The following LENG8 variants were observed in gnomAD, a reference collection of about 807,000 sequenced individuals.
LENG8 encodes the protein leukocyte receptor cluster member 8.
LENG8 carries 28 observed loss-of-function variants against 102.1 expected under a neutral mutation model. The ratio of observed to expected loss-of-function variants is 0.27; its 90% CI spans 0.20 to 0.38. The LOEUF (loss-of-function observed/expected upper bound fraction) is 0.38, where lower values mean the gene tolerates loss of function less well. LENG8 is among the 10% of genes least tolerant of loss of function. The pLI is 1.00. For missense variants in LENG8, 1,022 were observed against 1,113.9 expected (o/e 0.92, Z 1.17); for synonymous variants, 531 against 456.7 (o/e 1.16, Z -2.07).
intron 11 of LENG8, among the ~76,000 whole-genome samples, chr19:54,457,197 C>T (rs1258297604): frequency 2.6e-5 from 4 of 152,264 alleles, no homozygotes; most frequent in Admixed American, 6.5e-5. Flanking sequence ...AAAGCCTTCT[C>T]CCAGGCCCGT....
In LENG8 at chr19:54,458,134, C is replaced by T. The variant is rs781482689; in HGVS notation, c.1934C>T (p.Thr645Met). 9 of 1,613,810 alleles carry T rather than the reference C, an allele frequency of 5.6e-6. No individual in the cohort carries two copies. The highest frequency in any genetic ancestry group is 1.6e-4 in the Middle Eastern group (1 of 6,084). The change falls in exon 14 of 16, where the codon ACG becomes ATG. Residue 645 changes from threonine (T) to methionine (M), a missense_variant. Physicochemically the swap from Thr to Met is moderately conservative, Grantham distance 81 (BLOSUM62 -1). Around this residue, in one of 7 missense-constraint regions of LENG8, gnomAD observed 158 missense variants for 229.0 expected, o/e 0.69. Transcript: ENST00000326764. ...GDHEEFNQCQTQLKSLYAENL... is the reference protein window; with the variant it reads ...GDHEEFNQCQMQLKSLYAENL... ...CATGAAGAGTTTAACCAGTGCCAGA[C>T]GCAGCTCAAGTCGCTGTACGCCGAG...
rs764329239 is a variant in LENG8, at chr19:54,461,230, T to TTC, written c.*314_*315dup. 1.5e-5 allele frequency: 9 copies of TTC among 612,136 alleles called. No homozygotes were observed. Among genetic ancestry groups the TTC allele is most frequent in the Admixed American group, 2.2e-5 (1 of 46,440 alleles). 37.9% of individuals were successfully genotyped at this position (612,136 alleles called of 1,614,324 possible). ...ACTCCACTAATGCTGTCTCAGTGTT[T>TTC]TCTCTCTCTCTCTTTCGAGCTTGCA... On this transcript the variant is annotated 3_prime_UTR_variant, in exon 16 of 16. Transcript: ENST00000326764.
At chr19:54,454,923 CT>C in intron 6 of LENG8, 27 bp from the exon 7 acceptor site, 1 of 1,614,018 alleles carries the variant, frequency 6.2e-7, no homozygotes, top group Non-Finnish European at 8.5e-7. Context: ...GGGGAAGGGC[CT>C]AACCATAGCT....
intron 1 of LENG8, chr19:54,449,540 C>T (rs2083841085): frequency 6.6e-6 from 1 of 152,100 alleles, no homozygotes; most frequent in Non-Finnish European, 1.5e-5. Flanking sequence ...GTTCCTCTCC[C>T]TTGGAGTTCT....
chr19:54,452,227 C>T lies in LENG8; in HGVS notation c.173C>T (p.Ser58Phe). Reference protein sequence around the residue: ...SISKSGAAGGSAKSSSNGPVA... With the variant: ...SISKSGAAGGFAKSSSNGPVA... ...AGCAAGTCAGGAGCTGCCGGCGGCTCTGCCAAGTCCAGCAGCAATGGGCCT... is the reference window on the plus strand; with the variant it reads ...AGCAAGTCAGGAGCTGCCGGCGGCTTTGCCAAGTCCAGCAGCAATGGGCCT... The change falls in exon 3 of 16, where the codon TCT becomes TTT. Residue 58 changes from serine (S) to phenylalanine (F), a missense_variant. By Grantham distance (155) the Ser-to-Phe change is radical. Transcript: ENST00000326764. 5 of 1,613,768 alleles carry T rather than the reference C, an allele frequency of 3.1e-6. No homozygotes were observed. The highest frequency in any genetic ancestry group is 4.2e-6 in the Non-Finnish European group (5 of 1,179,894).
In LENG8 at chr19:54,456,445, C is replaced by G. The variant is rs1569299214; in HGVS notation, c.1425C>G (p.Gly475=). The G allele has an allele frequency of 6.2e-7, 1 of 1,606,806 alleles. No homozygotes were observed. ...GRGAHMDRGR[G]RAQRGKRHDL... The stretch of plus-strand genomic sequence containing the variant: ...GGGCCCATATGGATCGGGGCCGAGG[C>G]AGGGCGCAGCGTGGGAAGAGGTGAG... The change falls in exon 10 of 16, where the codon GGC becomes GGG. Residue 475 remains glycine, a synonymous_variant. Coordinates refer to ENST00000326764, the MANE Select transcript of LENG8 (RefSeq NM_052925.4).
intron 15 of LENG8, 47 bp from the exon 16 acceptor site, chr19:54,460,719 G>GGCCCGCC: frequency 1.3e-6 from 1 of 778,920 alleles, no homozygotes; most frequent in Non-Finnish European, 1.8e-6. Flanking sequence ...GCCCTCCCCT[G>GGCCCGCC]CCCTCCCGCC....
rs2084176815 is a variant in LENG8, at chr19:54,455,453, G to A, written c.911G>A (p.Cys304Tyr). 1 of 1,614,074 alleles carries A rather than the reference G, an allele frequency of 6.2e-7. No homozygotes were observed. Among genetic ancestry groups the A allele is most frequent in the African/African-American group, 1.3e-5 (1 of 74,928 alleles). ...TATGTGGAGCGCTGCTTCACCGCCTGTGAGTCGGAGGAGGACAAGGACCGC... is the reference window on the plus strand; with the variant it reads ...TATGTGGAGCGCTGCTTCACCGCCTATGAGTCGGAGGAGGACAAGGACCGC... ...KEYVERCFTA[C>Y]ESEEDKDRTE... Residue 304 changes from cysteine to tyrosine, a missense_variant, in exon 8 of 16, where the codon TGT (cysteine) becomes TAT (tyrosine). Coordinates refer to ENST00000326764, the MANE Select transcript of LENG8 (RefSeq NM_052925.4).
intron 11 of LENG8, 103 bp downstream of exon 11, chr19:54,457,024 A>G (rs2084286384): frequency 7.8e-7 from 1 of 1,279,588 alleles, no homozygotes; most frequent in Non-Finnish European, 1.0e-6. Context: ...GGGCTCTGGT[A>G]TGGCAGGGGA....
At chr19:54,459,253 C>T (rs571305560) in intron 15 of LENG8, 2 of 1,042,606 alleles carry the variant, frequency 1.9e-6, no homozygotes, top group Non-Finnish European at 2.3e-6. Context: ...TGCTGCCCTG[C>T]CACTGCCATT....
In LENG8 at chr19:54,454,549, C is replaced by A; in HGVS notation, c.546C>A (p.Gly182=). Residue 182 remains glycine (G), a synonymous_variant, in exon 6 of 16, where the codon GGC becomes GGA. Transcript: ENST00000326764. ...PPHGAHTLNS[G]PQPGTAPATQ... is the part of the protein sequence containing the mutation. Reference sequence around the variant, plus strand: ...ATGGGGCTCACACGCTGAACAGTGGCCCTCAGCCTGGGACAGCTCCAGCCA... The same window carrying A: ...ATGGGGCTCACACGCTGAACAGTGGACCTCAGCCTGGGACAGCTCCAGCCA... 1 of 1,613,292 alleles carries A rather than the reference C, an allele frequency of 6.2e-7. No homozygotes were observed. Among genetic ancestry groups the A allele is most frequent in the South Asian group, 1.1e-5 (1 of 91,036 alleles).
Position 54,459,380 on chromosome 19 carries a change from C to G in LENG8, c.2240+859C>G, listed in dbSNP as rs188541345. 1.9e-3 allele frequency: 1,881 copies of G among 993,990 alleles called. 22 individuals carry two copies. In the African/African-American group the frequency reaches 0.03, roughly 16 times the overall value. 61.6% of individuals were successfully genotyped at this position (993,990 alleles called of 1,614,324 possible). A position where few individuals can be genotyped will look rare whatever the true frequency, so the allele number is the denominator to read the frequency against. ...GGCTGTCCACGTGAGGTCATAGTCA[C>G]AGCATGGAGGCCTTGAGAGCCTGGC... On this transcript the variant is annotated intron_variant, in intron 15 of 15. Coordinates refer to ENST00000326764, the MANE Select transcript of LENG8 (RefSeq NM_052925.4).
chr19:54,452,282 T>C lies in LENG8; in HGVS notation c.213+15T>C, dbSNP rs773089177. ...CCAGTGCACAGGTGAGAAGGCCTCA[T>C]GGGGCTGGGGTACCCTGAGCCAGAG... On this transcript the variant is annotated intron_variant, in intron 3 of 15. Transcript: ENST00000326764. 5 of 1,591,556 alleles carry C rather than the reference T, an allele frequency of 3.1e-6. No homozygotes were observed. The South Asian group carries it at 5.6e-5, about 18-fold the overall frequency.
intron 2 of LENG8, 80 bp downstream of exon 2, chr19:54,451,462 C>T (rs1339956022): frequency 4.8e-6 from 7 of 1,445,200 alleles, no homozygotes; most frequent in Non-Finnish European, 5.8e-6. Flanking sequence ...GGGGTGGGAC[C>T]TCCCGTGGCC....
At chr19:54,458,644 T>A in intron 15 of LENG8, 123 bp downstream of exon 15, 3 of 1,556,426 alleles carry the variant, frequency 1.9e-6, no homozygotes, top group Non-Finnish European at 2.6e-6. Flanking sequence ...GGTCCTTGCT[T>A]CCCCATCATC....
rs2084177578 is a variant in LENG8 at position 54,455,466 on chromosome 19, G to C, written c.924G>C (p.Glu308Asp). Residue 308 changes from glutamate (E) to aspartate (D), a missense_variant, in exon 8 of 16, where the codon GAG (glutamate) becomes GAC (aspartate). Physicochemically the swap from Glu to Asp is conservative, Grantham distance 45. Around this residue, in one of 7 missense-constraint regions of LENG8, gnomAD observed 24 missense variants for 47.9 expected, o/e 0.50. Coordinates refer to ENST00000326764, the MANE Select transcript of LENG8 (RefSeq NM_052925.4). ...ERCFTACESE[E>D]DKDRTEKLLK... is the part of the protein sequence containing the mutation. ...GCTTCACCGCCTGTGAGTCGGAGGA[G>C]GACAAGGACCGCACGGAAAAGCTGC... is the stretch of plus-strand genomic sequence containing the variant. The C allele has an allele frequency of 6.2e-7, 1 of 1,614,044 alleles. No homozygotes were observed. The highest frequency in any genetic ancestry group is 1.1e-5 in the South Asian group (1 of 91,092).
chr19:54,457,829 CGA>C lies in LENG8; in HGVS notation c.1815_1816del (p.Ile606ProfsTer30). 1.2e-6 allele frequency: 2 copies of C among 1,614,018 alleles called. No homozygotes were observed. Among genetic ancestry groups the C allele is most frequent in the Non-Finnish European group, 1.7e-6 (2 of 1,179,850 alleles). ...GCGTTTGCCTGCGAGCAGATGAAGT[CGA>C]TCCGGCAGGATCTGACGGTGAGACT... On this transcript the variant is annotated frameshift_variant, in exon 12 of 16. Coordinates refer to ENST00000326764, the MANE Select transcript of LENG8 (RefSeq NM_052925.4). LOFTEE classifies it high-confidence loss of function.
rs754249789 is a variant in LENG8, at chr19:54,456,075, C to A, written c.1134C>A (p.Ala378=). The A allele has an allele frequency of 1.2e-6, 2 of 1,609,258 alleles. No individual in the cohort carries two copies. The highest frequency in any genetic ancestry group is 3.4e-5 in the Admixed American group (2 of 59,478). Residue 378 remains alanine, a synonymous_variant, in exon 9 of 16, where the codon GCC becomes GCA. Transcript: ENST00000326764. ...GAGSATRGGG[A]PSQRGTPGAG... Reference sequence around the variant, plus strand: ...GCTCGGCGACAAGGGGCGGGGGTGCCCCGTCCCAGCGAGGGACGCCCGGGG... The same window carrying A: ...GCTCGGCGACAAGGGGCGGGGGTGCACCGTCCCAGCGAGGGACGCCCGGGG...
At position 54,457,916 on chromosome 19, in the gene LENG8, C is replaced by T. The variant is rs367795893; in HGVS notation, c.1834-18C>T. Reference sequence around the variant, plus strand: ...CCTCCCGCTCCTTGTGACTCTTGTTCTCGCCCCGCTGCCCCAGGTGCAGGG... The same window carrying T: ...CCTCCCGCTCCTTGTGACTCTTGTTTTCGCCCCGCTGCCCCAGGTGCAGGG... On this transcript the variant is annotated intron_variant, in intron 12 of 15. Transcript: ENST00000326764. 1.2e-5 allele frequency: 19 copies of T among 1,613,852 alleles called. No homozygotes were observed. Among genetic ancestry groups the T allele is most frequent in the South Asian group, 3.3e-5 (3 of 91,088 alleles).
Sources: gnomAD v4.1 joint callset for allele counts (sites outside exome capture counted in the v4.1 genomes callset) on GRCh38, gnomAD v4.1.1 for gene constraint, gnomAD v4.1.1 regional missense constraint, MANE v1.5 for transcripts, NCBI Gene and HGNC (gene_info 2026-07-23, HGNC 2026-07-21) for gene names.